Variants in DPY19L4 observed in about 807,000 individuals in gnomAD.
DPY19L4 encodes dpy-19 like 4, also known as probable C-mannosyltransferase DPY19L4.
In DPY19L4, 97 loss-of-function variants were observed where a neutral mutation model predicts 102.8. That is an observed-to-expected ratio of 0.94 (90% CI 0.80 to 1.12). The LOEUF is 1.12. Ranked by LOEUF, DPY19L4 falls within the 50% of genes most tolerant of loss-of-function variation. The pLI is 0.00. For synonymous variants in DPY19L4, 252 were observed against 283.1 expected (o/e 0.89, Z 1.10); for missense variants, 815 against 850.4 (o/e 0.96, Z 0.52).
At chr8:94,746,814 A>T (rs1481773388) in intron 6 of DPY19L4, among the ~76,000 whole-genome samples, 2 of 152,170 alleles carry the variant, frequency 1.3e-5, no homozygotes, top group Non-Finnish European at 2.9e-5. Context: ...ACCGAAACCA[A>T]ATTGTAAACC....
Position 94,719,903 on chromosome 8 carries a change from A to G in DPY19L4, c.-96A>G, listed in dbSNP as rs1810372704. ...AGGAAGTGGGGGCGCGGCGGCCAGG[A>G]GCGGGCCCCCGGAGGCCGAGGGGTT... On this transcript the variant is annotated 5_prime_UTR_variant, in exon 1 of 19. Transcript: ENST00000414645. 4 of 1,384,742 alleles carry G rather than the reference A, an allele frequency of 2.9e-6. No homozygotes were observed. The Admixed American group carries it at 1.3e-4, about 45-fold the overall frequency. The allele number at this position is 1,384,742 out of a possible 1,614,324, so 85.8% of individuals were successfully genotyped here.
At chr8:94,737,435 G>A (rs1337903119) in intron 3 of DPY19L4, among the ~76,000 whole-genome samples, 3 of 151,560 alleles carry the variant, frequency 2.0e-5, no homozygotes, top group South Asian at 2.1e-4. Flanking sequence ...TTCGGCCTCC[G>A]AAAGTGCTGG....
chr8:94,743,498 G>T (rs1022060162), intron 6 of DPY19L4, among the ~76,000 whole-genome samples: 1 of 149,386 alleles, frequency 6.7e-6, no homozygotes, highest in Non-Finnish European at 1.5e-5. Context: ...AAAAAAAATA[G>T]CCAGGCTTGG....
chr8:94,734,563 C>A, intron 2 of DPY19L4, 67 bp from the exon 3 acceptor site: 1 of 1,493,308 alleles, frequency 6.7e-7, no homozygotes, highest in Non-Finnish European at 9.1e-7. Context: ...AGGTAGAATG[C>A]CATTTTTAAT....
intron 7 of DPY19L4, 24 bp downstream of exon 7, chr8:94,756,183 T>C: frequency 1.2e-6 from 2 of 1,604,098 alleles, no homozygotes; most frequent in South Asian, 2.3e-5. Flanking sequence ...CTGTTTTATC[T>C]GTTGCAGCTA....
At chr8:94,788,080 T>C in intron 18 of DPY19L4, 28 bp downstream of exon 18, 1 of 1,153,088 alleles carries the variant, frequency 8.7e-7, no homozygotes, top group South Asian at 2.9e-5. Flanking sequence ...AAGTTATATA[T>C]ATGTATATAT....
intron 6 of DPY19L4, among the ~76,000 whole-genome samples, chr8:94,747,577 G>C (rs1416133662): frequency 1.0e-4 from 3 of 29,696 alleles, no homozygotes; most frequent in Non-Finnish European, 1.9e-4. Context: ...TTTTTTTTTT[G>C]AGACAGAGTC....
At chr8:94,755,884 C>CAAA in intron 6 of DPY19L4, 152 bp from the exon 7 acceptor site, 5 of 622,906 alleles carry the variant, frequency 8.0e-6, no homozygotes, top group Non-Finnish European at 9.6e-6. Context: ...GACTCCATCT[C>CAAA]AAAAAAAAAA....
rs1242223019 is a variant in DPY19L4, at chr8:94,793,823, AT to A, written c.*3917del. On this transcript the variant is annotated 3_prime_UTR_variant, in exon 19 of 19. Transcript: ENST00000414645. ...TACTTACTTTTTCATAATAAAGGAA[AT>A]TTTGGAACCAAATTTGCTGAGTTTA... The A allele has an allele frequency of 6.6e-6, 1 of 152,202 alleles. No individual in the cohort carries two copies. The highest frequency in any genetic ancestry group is 1.5e-5 in the Non-Finnish European group (1 of 68,006). 9.4% of individuals were successfully genotyped at this position (152,202 alleles called of 1,614,324 possible).
intron 2 of DPY19L4, among the ~76,000 whole-genome samples, chr8:94,726,859 T>C (rs950228891): frequency 3.3e-5 from 5 of 152,208 alleles, no homozygotes; most frequent in Non-Finnish European, 7.3e-5. Context: ...TACAGGGAAG[T>C]GTTCCAGGTC....
Position 94,739,701 on chromosome 8 carries a change from A to G in DPY19L4, c.522A>G (p.Ile174Met). 2 of 1,614,074 alleles carry G rather than the reference A, an allele frequency of 1.2e-6. No individual in the cohort carries two copies. The highest frequency in any genetic ancestry group is 1.7e-6 in the Non-Finnish European group (2 of 1,180,032). ...YIGIVFGLQG[I>M]YVTALFVTSW... is the part of the protein sequence containing the mutation. The stretch of plus-strand genomic sequence containing the variant: ...GCATTGTTTTTGGATTGCAAGGAAT[A>G]TATGTTACTGCTTTATTTGTTACAA... Residue 174 changes from isoleucine to methionine, a missense_variant, in exon 6 of 19, where the codon ATA becomes ATG. Coordinates refer to ENST00000414645, the MANE Select transcript of DPY19L4 (RefSeq NM_181787.3).
At chr8:94,726,100 G>C (rs933434000) in intron 1 of DPY19L4, among the ~76,000 whole-genome samples, 16 of 152,164 alleles carry the variant, frequency 1.1e-4, no homozygotes, top group African/African-American at 3.9e-4. Context: ...AGAGCACATT[G>C]GTTTACTATT....
At chr8:94,769,754 C>T (rs1026408516) in intron 12 of DPY19L4, among the ~76,000 whole-genome samples, 42 of 151,694 alleles carry the variant, frequency 2.8e-4, no homozygotes, top group African/African-American at 9.7e-4. Flanking sequence ...ATGTTTGAAA[C>T]GTGGTTGTAT....
At position 94,720,030 on chromosome 8, in the gene DPY19L4, T is replaced by G; in HGVS notation, c.16+16T>G. The G allele has an allele frequency of 6.6e-7, 1 of 1,523,746 alleles. No homozygotes were observed. The highest frequency in any genetic ancestry group is 1.2e-5 in the South Asian group (1 of 81,426). 94.4% of individuals were successfully genotyped at this position (1,523,746 alleles called of 1,614,324 possible). ...GAGGAAGAAGGTGATTGCCGCGGGG[T>G]CCAGCGCGCCAACGGCTGCCAGTGG... On this transcript the variant is annotated intron_variant, in intron 1 of 18. Coordinates refer to ENST00000414645, the MANE Select transcript of DPY19L4 (RefSeq NM_181787.3).
chr8:94,767,415 C>T (rs1812724214), intron 11 of DPY19L4, among the ~76,000 whole-genome samples: 1 of 151,750 alleles, frequency 6.6e-6, no homozygotes, highest in African/African-American at 2.4e-5. Flanking sequence ...TGCCTCAGCC[C>T]CCCGAGTAGC....
Position 94,768,413 on chromosome 8 carries a change from GCTC to G in DPY19L4, c.1198_1200del (p.Leu400del). The G allele has an allele frequency of 6.3e-7, 1 of 1,597,112 alleles. No homozygotes were observed. Among genetic ancestry groups the G allele is most frequent in the South Asian group, 1.2e-5 (1 of 86,540 alleles). The stretch of plus-strand genomic sequence containing the variant: ...TCTATAGGAATTTTACAATGAATTG[GCTC>G]CTCTGTCAAGAATCCCTGCAGGCAC... On this transcript the variant is annotated inframe_deletion, in exon 12 of 19. Coordinates refer to ENST00000414645, the MANE Select transcript of DPY19L4 (RefSeq NM_181787.3).
chr8:94,784,670 T>C (rs1459672406), intron 17 of DPY19L4, among the ~76,000 whole-genome samples: 2 of 152,194 alleles, frequency 1.3e-5, no homozygotes, highest in African/African-American at 4.8e-5. Context: ...CCTCAGGTGA[T>C]CCACCTGCCT....
Position 94,761,946 on chromosome 8 carries a change from A to G in DPY19L4, c.870+112A>G, listed in dbSNP as rs1812411349. On this transcript the variant is annotated intron_variant, in intron 8 of 18. Transcript: ENST00000414645. ...TACACTCATATGGGAACCCCGATGC[A>G]TACAATATTTAAGTTATTTGGACAG... 3.6e-6 allele frequency: 4 copies of G among 1,096,716 alleles called. No homozygotes were observed. In the Admixed American group the frequency reaches 1.3e-4, roughly 36 times the overall value. The allele number at this position is 1,096,716 out of a possible 1,614,324, so 67.9% of individuals were successfully genotyped here.
Position 94,761,696 on chromosome 8 carries a change from C to A in DPY19L4, c.736-4C>A. 1 of 1,586,960 alleles carries A rather than the reference C, an allele frequency of 6.3e-7. No homozygotes were observed. Among genetic ancestry groups the A allele is most frequent in the South Asian group, 1.2e-5 (1 of 84,026 alleles). ...ATTTAGTTTCTTTCATTTGTTTTCCCTAGAGGTTTTGCTACTTGTTGATGA... is the reference window on the plus strand; with the variant it reads ...ATTTAGTTTCTTTCATTTGTTTTCCATAGAGGTTTTGCTACTTGTTGATGA... On this transcript the variant is annotated splice_polypyrimidine_tract_variant and splice_region_variant and intron_variant, in intron 7 of 18. Coordinates refer to ENST00000414645, the MANE Select transcript of DPY19L4 (RefSeq NM_181787.3).
Sources: gnomAD v4.1 joint callset for allele counts (sites outside exome capture counted in the v4.1 genomes callset) on GRCh38, gnomAD v4.1.1 for gene constraint, MANE v1.5 for transcripts, NCBI Gene and HGNC (gene_info 2026-07-23, HGNC 2026-07-21) for gene names.